The following APC2 variants were observed in gnomAD, a reference collection of about 807,000 sequenced individuals.
APC2 encodes the protein adenomatous polyposis coli protein 2.
APC2 carries 41 observed loss-of-function variants against 72.5 expected under a neutral mutation model. The observed-to-expected ratio is 0.57, with a 90% CI of 0.44 to 0.73. The LOEUF (loss-of-function observed/expected upper bound fraction) is 0.73, where lower values mean the gene tolerates loss of function less well. Among genes scored for constraint, APC2 ranks in the 30% least tolerant of loss-of-function variants. APC2 has a pLI of 0.00. For synonymous variants in APC2, 1,898 were observed against 1,612.0 expected (o/e 1.18, Z -4.25); for missense variants, 3,729 against 3,403.4 (o/e 1.10, Z -2.38).
At position 1,467,733 on chromosome 19, in the gene APC2, G is replaced by A. The variant is rs2084045464; in HGVS notation, c.4432G>A (p.Asp1478Asn). ...GGGCCGGCCCCCGAGCGCCCCCGCA[G>A]ACAAGGACGGCTCAAAGCCCGGCCG... ...PLGRPPSAPADKDGSKPGRTR... is the reference protein window; with the variant it reads ...PLGRPPSAPANKDGSKPGRTR... The change falls in exon 15 of 15, where the codon GAC becomes AAC. Residue 1478 changes from aspartate (D) to asparagine (N), a missense_variant. Asp to Asn is a conservative substitution (Grantham distance 23). Transcript: ENST00000590469. 1 of 1,438,936 alleles carries A rather than the reference G, an allele frequency of 6.9e-7. No individual in the cohort carries two copies. Among genetic ancestry groups the A allele is most frequent in the Non-Finnish European group, 9.1e-7 (1 of 1,104,800 alleles). 89.1% of individuals were successfully genotyped at this position (1,438,936 alleles called of 1,614,324 possible).
Position 1,467,628 on chromosome 19 carries a change from C to A in APC2, c.4327C>A (p.His1443Asn). 6.7e-7 allele frequency: 1 copy of A among 1,489,438 alleles called. No homozygotes were observed. 92.3% of individuals were successfully genotyped at this position (1,489,438 alleles called of 1,614,324 possible). A position where few individuals can be genotyped will look rare whatever the true frequency, so the allele number is the denominator to read the frequency against. The change falls in exon 15 of 15, where the codon CAC becomes AAC. Residue 1443 changes from histidine (H) to asparagine (N), a missense_variant. By Grantham distance (68) the His-to-Asn change is moderately conservative. Transcript: ENST00000590469. ...TSARQAMGHR[H>N]KAGGAGRSAE... Reference sequence around the variant, plus strand: ...TGCCAGACAGGCCATGGGGCACCGGCACAAGGCGGGAGGCGCCGGCCGCAG... The same window carrying A: ...TGCCAGACAGGCCATGGGGCACCGGAACAAGGCGGGAGGCGCCGGCCGCAG...
chr19:1,467,692 G>A lies in APC2; in HGVS notation c.4391G>A (p.Gly1464Glu). The stretch of plus-strand genomic sequence containing the variant: ...CGGGGCGCGGGCAAGAACAGAGCAG[G>A]GCTGGAGCTGCCCCTGGGCCGGCCC... ...QSRGAGKNRAGLELPLGRPPS... is the reference protein window; with the variant it reads ...QSRGAGKNRAELELPLGRPPS... The change falls in exon 15 of 15, where the codon GGG becomes GAG. Residue 1464 changes from glycine (G) to glutamate (E), a missense_variant. Coordinates refer to ENST00000590469, the MANE Select transcript of APC2 (RefSeq NM_005883.3). The A allele has an allele frequency of 2.0e-6, 3 of 1,464,676 alleles. No individual in the cohort carries two copies. The highest frequency in any genetic ancestry group is 2.7e-6 in the Non-Finnish European group (3 of 1,116,828). The allele number at this position is 1,464,676 out of a possible 1,614,324, so 90.7% of individuals were successfully genotyped here.
chr19:1,457,357 G>C (rs1438340711), intron 9 of APC2, 114 bp downstream of exon 9: 19 of 1,394,646 alleles, frequency 1.4e-5, no homozygotes, highest in Middle Eastern at 5.1e-4. Flanking sequence ...GGCGTTGGAG[G>C]CTGCAGTACC....
At chr19:1,448,641 C>G (rs747904026), upstream of APC2, among the ~76,000 whole-genome samples, 1 of 150,934 alleles carries the variant, frequency 6.6e-6, no homozygotes, top group African/African-American at 2.4e-5. Flanking sequence ...GTCAGGAGAT[C>G]GAGACCATCC....
At chr19:1,447,936 T>G (rs1360039021), upstream of APC2, among the ~76,000 whole-genome samples, 1 of 152,110 alleles carries the variant, frequency 6.6e-6, no homozygotes, top group Non-Finnish European at 1.5e-5. Flanking sequence ...CCTGGGGAGC[T>G]GAGACATCTG....
In APC2 at chr19:1,467,311, A is replaced by C. The variant is rs1305208038; in HGVS notation, c.4010A>C (p.Asp1337Ala). 1 of 1,346,892 alleles carries C rather than the reference A, an allele frequency of 7.4e-7. No homozygotes were observed. Among genetic ancestry groups the C allele is most frequent in the African/African-American group, 1.5e-5 (1 of 65,552 alleles). The allele number at this position is 1,346,892 out of a possible 1,614,324, so 83.4% of individuals were successfully genotyped here. The stretch of plus-strand genomic sequence containing the variant: ...GGTTCTCGCCCTCGCGGCGCCGCGG[A>C]CCAGGAGCTGGAACTGCTGCGGGAG... ...PTGSRPRGAA[D>A]QELELLRECL... The change falls in exon 15 of 15, where the codon GAC becomes GCC. Residue 1337 changes from aspartate to alanine, a missense_variant. Physicochemically the swap from Asp to Ala is moderately radical, Grantham distance 126 (BLOSUM62 -2). Transcript: ENST00000590469.
chr19:1,465,293 G>T lies in APC2; in HGVS notation c.1992G>T (p.Trp664Cys), dbSNP rs1216454012. Residue 664 changes from tryptophan (W) to cysteine (C), a missense_variant, in exon 15 of 15, where the codon TGG (tryptophan) becomes TGT (cysteine). By Grantham distance (215) the Trp-to-Cys change is radical. Coordinates refer to ENST00000590469, the MANE Select transcript of APC2 (RefSeq NM_005883.3). The stretch of plus-strand genomic sequence containing the variant: ...GCGCCCGTGACCAGGAGCTGCTGTG[G>T]GACCTGGGCGCCGTGGGCATGCTGC... ...ARSARDQELLWDLGAVGMLRN... is the reference protein window; with the variant it reads ...ARSARDQELLCDLGAVGMLRN... The T allele has an allele frequency of 3.7e-6, 6 of 1,601,728 alleles. No homozygotes were observed. The South Asian group carries it at 5.5e-5, about 15-fold the overall frequency.
Position 1,468,449 on chromosome 19 carries a change from C to T in APC2, c.5148C>T (p.Ser1716=), listed in dbSNP as rs1228324119. 1 of 1,596,334 alleles carries T rather than the reference C, an allele frequency of 6.3e-7. No individual in the cohort carries two copies. Among genetic ancestry groups the T allele is most frequent in the South Asian group, 1.1e-5 (1 of 88,786 alleles). The change falls in exon 15 of 15, where the codon TCC becomes TCT. Residue 1716 remains serine, a synonymous_variant. Transcript: ENST00000590469. The part of the protein sequence containing the change: ...ATREASSESD[S]ILSFVSGLSV... ...GGGAGGCCTCGTCCGAGTCCGACTC[C>T]ATCCTGTCCTTCGTATCCGGGCTGT...
chr19:1,467,668 G>A lies in APC2; in HGVS notation c.4367G>A (p.Arg1456Gln). 2.0e-6 allele frequency: 3 copies of A among 1,479,620 alleles called. No homozygotes were observed. Among genetic ancestry groups the A allele is most frequent in the South Asian group, 1.3e-5 (1 of 76,098 alleles). 91.7% of individuals were successfully genotyped at this position (1,479,620 alleles called of 1,614,324 possible). Residue 1456 changes from arginine to glutamine, a missense_variant, in exon 15 of 15, where the codon CGG (arginine) becomes CAG (glutamine). Physicochemically the swap from Arg to Gln is conservative, Grantham distance 43 (BLOSUM62 1). Coordinates refer to ENST00000590469, the MANE Select transcript of APC2 (RefSeq NM_005883.3). Reference protein sequence around the residue: ...GGAGRSAEQSRGAGKNRAGLE... With the variant: ...GGAGRSAEQSQGAGKNRAGLE... ...GCCGGCCGCAGCGCGGAGCAGTCTC[G>A]GGGCGCGGGCAAGAACAGAGCAGGG...
chr19:1,450,736 C>T lies in APC2; in HGVS notation c.-19+398C>T, dbSNP rs549038370. ...TGCCTCCCTCCCCTGAAATGCAGCC[C>T]GCTCAATAAGACCAGCCCCCAGTCA... On this transcript the variant is annotated intron_variant, in intron 1 of 14. Coordinates refer to ENST00000590469, the MANE Select transcript of APC2 (RefSeq NM_005883.3). 8.5e-5 allele frequency among the ~76,000 whole-genome samples: 13 copies of T among 152,316 alleles called. No individual in the cohort carries two copies. In the East Asian group the frequency reaches 1.2e-3, roughly 14 times the overall value.
At chr19:1,454,595 G>T (rs2083789609) in intron 4 of APC2, among the ~76,000 whole-genome samples, 1 of 129,416 alleles carries the variant, frequency 7.7e-6, no homozygotes, top group African/African-American at 3.1e-5. Context: ...ACGGAGTCTC[G>T]CTCTGTCGCC....
rs542373416 is a variant in APC2, at chr19:1,462,970, T to TA, written c.1853+808dup. On this transcript the variant is annotated intron_variant, in intron 14 of 14. Coordinates refer to ENST00000590469, the MANE Select transcript of APC2 (RefSeq NM_005883.3). ...TGGGCGACAGAGCAAGATTCCGTCT[T>TA]AAAAAAAAAAAAAAATTACTTCAGG... 5.3e-3 allele frequency among the ~76,000 whole-genome samples: 631 copies of TA among 118,100 alleles called. 7 individuals are homozygous for TA. Among genetic ancestry groups the TA allele is most frequent in the Middle Eastern group, 0.02 (3 of 148 alleles). The allele number at this position is 118,100 out of a possible 152,430, so 77.5% of individuals were successfully genotyped here. A position where few individuals can be genotyped will look rare whatever the true frequency, so the allele number is the denominator to read the frequency against.
rs1357880768 is a variant in APC2 at position 1,465,486 on chromosome 19, G to A, written c.2185G>A (p.Glu729Lys). The A allele has an allele frequency of 2.7e-5, 42 of 1,527,914 alleles. No homozygotes were observed. Among genetic ancestry groups the A allele is most frequent in the Non-Finnish European group, 3.4e-5 (39 of 1,141,526 alleles). The allele number at this position is 1,527,914 out of a possible 1,614,324, so 94.6% of individuals were successfully genotyped here. ...YVRKQRALEA[E>K]LDARHLAQAL... ...GCGCAAGCAGCGGGCGCTGGAGGCC[G>A]AGCTGGACGCACGGCACCTCGCGCA... is the stretch of plus-strand genomic sequence containing the variant. Residue 729 changes from glutamate to lysine, a missense_variant, in exon 15 of 15, where the codon GAG becomes AAG. Transcript: ENST00000590469.
intron 1 of APC2, chr19:1,451,652 T>A (rs2083744035): frequency 6.6e-6 from 1 of 152,286 alleles, no homozygotes; most frequent in African/African-American, 2.4e-5. Context: ...TGGGGCAGCA[T>A]CTGGGTGCCA....
At chr19:1,457,708 T>C in intron 9 of APC2, 1 of 563,210 alleles carries the variant, frequency 1.8e-6, no homozygotes, top group East Asian at 3.0e-5. Flanking sequence ...GTCAGTTTTA[T>C]TTTTAAAAAG....
At position 1,468,209 on chromosome 19, in the gene APC2, C is replaced by T; in HGVS notation, c.4908C>T (p.Ala1636=). ...TTCTGCAGCGGTGCATCAGCTCGGC[C>T]CTGCCCAGGCGCCGGCCCCCCGTGT... ...EELLQRCISS[A]LPRRRPPVSG... The change falls in exon 15 of 15, where the codon GCC becomes GCT. Residue 1636 remains alanine (A), a synonymous_variant. Transcript: ENST00000590469. 1.4e-6 allele frequency: 2 copies of T among 1,475,454 alleles called. No homozygotes were observed. Among genetic ancestry groups the T allele is most frequent in the East Asian group, 2.7e-5 (1 of 36,986 alleles). 91.4% of individuals were successfully genotyped at this position (1,475,454 alleles called of 1,614,324 possible).
At position 1,466,624 on chromosome 19, in the gene APC2, C is replaced by A; in HGVS notation, c.3323C>A (p.Ala1108Asp). 6.6e-7 allele frequency: 1 copy of A among 1,514,632 alleles called. No individual in the cohort carries two copies. The highest frequency in any genetic ancestry group is 8.8e-7 in the Non-Finnish European group (1 of 1,134,364). The allele number at this position is 1,514,632 out of a possible 1,614,324, so 93.8% of individuals were successfully genotyped here. Residue 1108 changes from alanine to aspartate, a missense_variant, in exon 15 of 15, where the codon GCT becomes GAT. Ala to Asp is a moderately radical substitution (Grantham distance 126, BLOSUM62 -2). Transcript: ENST00000590469. Reference protein sequence around the residue: ...EGLEEAGPSEAELDSTWRAPG... With the variant: ...EGLEEAGPSEDELDSTWRAPG... ...CTGGAGGAGGCCGGCCCCAGCGAGG[C>A]TGAGCTGGACAGCACGTGGCGGGCG...
chr19:1,460,447 A>G lies in APC2; in HGVS notation c.1443+127A>G, dbSNP rs988805539. On this transcript the variant is annotated intron_variant, in intron 11 of 14. Transcript: ENST00000590469. ...GGGGCCACTTGTCCCCAACTTACAG[A>G]CGGGTAGACTGAGGCCCAGAGAGTG... is the stretch of plus-strand genomic sequence containing the variant. 13 of 1,420,440 alleles carry G rather than the reference A, an allele frequency of 9.2e-6. No individual in the cohort carries two copies. The African/African-American group carries it at 1.7e-4, about 19-fold the overall frequency. 88.0% of individuals were successfully genotyped at this position (1,420,440 alleles called of 1,614,324 possible). A position where few individuals can be genotyped will look rare whatever the true frequency, so the allele number is the denominator to read the frequency against.
intron 10 of APC2, chr19:1,458,381 A>AACTGTAGGGGGTGTTTT (rs2083871841): frequency 2.7e-6 from 1 of 365,340 alleles, no homozygotes; most frequent in African/African-American, 2.1e-5. Flanking sequence ...CCAGAATTGG[A>AACTGTAGGGGGTGTTTT]ACTGTAGGGG....
Sources: allele counts gnomAD v4.1 joint callset (sites outside exome capture counted in the v4.1 genomes callset), GRCh38; gene constraint gnomAD v4.1.1; transcripts MANE v1.5; gene names NCBI Gene and HGNC (gene_info 2026-07-23, HGNC 2026-07-21).